TNXB: variants seen among roughly 807,000 people sequenced by gnomAD.
The protein encoded by TNXB is tenascin-X.
A neutral mutation model predicts 340.5 loss-of-function variants in TNXB; 183 were observed. The observed-to-expected ratio is 0.54, with a 90% CI of 0.48 to 0.61. The LOEUF (loss-of-function observed/expected upper bound fraction) is 0.61, where lower values mean the gene tolerates loss of function less well. Among genes scored for constraint, TNXB ranks in the 20% least tolerant of loss-of-function variants. The pLI, the probability that TNXB is intolerant of heterozygous loss-of-function variation, is 0.00. For synonymous variants in TNXB, 2,121 were observed against 2,314.5 expected (o/e 0.92, Z 2.40); for missense variants, 4,613 against 5,446.4 (o/e 0.85, Z 4.82).
At chr6:32,063,162 A>T (rs1315215094) in intron 19 of TNXB, among the ~76,000 whole-genome samples, 1 of 151,966 alleles carries the variant, frequency 6.6e-6, no homozygotes, top group Non-Finnish European at 1.5e-5. Flanking sequence ...CCGAGGCGGG[A>T]GGATCACCTG....
At position 32,081,196 on chromosome 6, in the gene TNXB, A is replaced by C. The variant is rs1442875904; in HGVS notation, c.4042+172T>G. Among the ~76,000 whole-genome samples, 6 of 152,070 alleles carry C rather than the reference A, an allele frequency of 3.9e-5. No homozygotes were observed. The highest frequency in any genetic ancestry group is 1.4e-4 in the African/African-American group (6 of 41,394). ...GAGATGAGGAGGTGGAGGCTGGATG[A>C]GGGGGACCTGGCATGCAGAGGACAG... On this transcript the variant is annotated intron_variant, in intron 10 of 43. Coordinates refer to ENST00000644971, the MANE Select transcript of TNXB (RefSeq NM_001365276.2). This position sits in a 1 kb window ranked among gnomAD's most constrained non-coding sequence, Gnocchi z 5.1.
Position 32,050,128 on chromosome 6 carries a change from C to T in TNXB, c.9309G>A (p.Ala3103=), listed in dbSNP as rs762962693. ...QYRNGDGQPK[A]VRVPGHEDGV... ...CGTCCTCGTGCCCCGGCACCCGCAC[C>T]GCCTTGGGCTGCCCATCCCCATTCC... Residue 3103 remains alanine (A), a synonymous_variant, in exon 27 of 44, where the codon GCG becomes GCA. Transcript: ENST00000644971. The T allele has an allele frequency of 2.2e-5, 35 of 1,613,692 alleles. No individual in the cohort carries two copies. Among genetic ancestry groups the T allele is most frequent in the Middle Eastern group, 1.6e-4 (1 of 6,064 alleles).
In TNXB at chr6:32,047,926, G is replaced by T; in HGVS notation, c.10132C>A (p.Pro3378Thr). Residue 3378 changes from proline (P) to threonine (T), a missense_variant, in exon 30 of 44, where the codon CCT (proline) becomes ACT (threonine). Transcript: ENST00000644971. The surrounding 1 kb of genome is among the most constrained non-coding windows in gnomAD (Gnocchi z 6.2). ...ACGAAGGAGTCGAATTCGCCCTCAG[G>T]GACCGTCCACGAGAGGCCCACGGAG... The part of the protein sequence containing the change: ...PDSVGLSWTV[P>T]EGEFDSFVVQ... The T allele has an allele frequency of 6.2e-7, 1 of 1,612,640 alleles. No homozygotes were observed. The highest frequency in any genetic ancestry group is 8.5e-7 in the Non-Finnish European group (1 of 1,179,672).
rs571399143 is a variant in TNXB at position 32,096,371 on chromosome 6, C to G, written c.1482G>C (p.Thr494=). The G allele has an allele frequency of 1.3e-6, 2 of 1,558,238 alleles. No homozygotes were observed. The highest frequency in any genetic ancestry group is 1.2e-5 in the South Asian group (1 of 85,712). ...WPGYTGRDCG[T]RACPGDCRGR... ...CGCGACAGTCGCCAGGACAGGCGCG[C>G]GTGCCGCAGTCCCGGCCTGTGTACC... Residue 494 remains threonine (T), a synonymous_variant, in exon 3 of 44, where the codon ACG becomes ACC. Transcript: ENST00000644971.
At position 32,094,953 on chromosome 6, in the gene TNXB, C is replaced by A. The variant is rs145726416; in HGVS notation, c.2358+123G>T. On this transcript the variant is annotated intron_variant, in intron 4 of 43. Coordinates refer to ENST00000644971, the MANE Select transcript of TNXB (RefSeq NM_001365276.2). ...AAGCAGGCTAAGAAAGCCTTTACAGCAGCTTCAGGTACCCAGCCATCTGGA... is the reference window on the plus strand; with the variant it reads ...AAGCAGGCTAAGAAAGCCTTTACAGAAGCTTCAGGTACCCAGCCATCTGGA... 0.011 allele frequency: 8,011 copies of A among 748,766 alleles called. 73 individuals are homozygous for A. Among genetic ancestry groups the A allele is most frequent in the Non-Finnish European group, 0.012 (5,146 of 446,336 alleles). 46.4% of individuals were successfully genotyped at this position (748,766 alleles called of 1,614,324 possible). A position where few individuals can be genotyped will look rare whatever the true frequency, so the allele number is the denominator to read the frequency against.
Position 32,072,119 on chromosome 6 carries a change from C to T in TNXB, c.4861G>A (p.Val1621Met), listed in dbSNP as rs372387718. Residue 1621 changes from valine to methionine, a missense_variant, in exon 13 of 44, where the codon GTG becomes ATG. Physicochemically the swap from Val to Met is conservative, Grantham distance 21. This residue lies in a region of TNXB where 4,327 missense variants were observed against 4,859.4 expected (regional missense o/e 0.89). Coordinates refer to ENST00000644971, the MANE Select transcript of TNXB (RefSeq NM_001365276.2). The surrounding 1 kb of genome is among the most constrained non-coding windows in gnomAD (Gnocchi z 4.4). ...YKDRDGQPQV[V>M]PVAADQREVT... ...TCCCGCTGATCTGCAGCCACGGGCA[C>T]CACCTGGGGCTGCCCGTCCCTGTCC... 1.4e-4 allele frequency: 221 copies of T among 1,613,060 alleles called. No individual in the cohort carries two copies. Among genetic ancestry groups the T allele is most frequent in the Non-Finnish European group, 1.8e-4 (216 of 1,179,556 alleles).
At chr6:32,078,769 T>C (rs1051940031) in intron 11 of TNXB, 4 of 486,122 alleles carry the variant, frequency 8.2e-6, no homozygotes, top group Non-Finnish European at 1.5e-5. Flanking sequence ...GCTTTACATC[T>C]GTTAACTCAC....
intron 22 of TNXB, among the ~76,000 whole-genome samples, 178 bp downstream of exon 22, chr6:32,057,880 C>T (rs1020831086): frequency 9.2e-5 from 14 of 152,170 alleles, no homozygotes; most frequent in Admixed American, 5.9e-4. Context: ...CATGCTCACC[C>T]GCCTTTGCTT....
rs1354596798 is a variant in TNXB at position 32,068,112 on chromosome 6, C to T, written c.6221-128G>A. On this transcript the variant is annotated intron_variant, in intron 17 of 43. Coordinates refer to ENST00000644971, the MANE Select transcript of TNXB (RefSeq NM_001365276.2). The surrounding 1 kb of genome is among the most constrained non-coding windows in gnomAD (Gnocchi z 5.3). ...GGCCTACTCTTGGGGCTGGGTGGTCCTGCTCAGCTGACAGCTAACACACAT... is the reference window on the plus strand; with the variant it reads ...GGCCTACTCTTGGGGCTGGGTGGTCTTGCTCAGCTGACAGCTAACACACAT... The T allele has an allele frequency of 7.4e-7, 1 of 1,343,152 alleles. No homozygotes were observed. The highest frequency in any genetic ancestry group is 1.5e-5 in the African/African-American group (1 of 68,240). 83.2% of individuals were successfully genotyped at this position (1,343,152 alleles called of 1,614,324 possible). A position where few individuals can be genotyped will look rare whatever the true frequency, so the allele number is the denominator to read the frequency against.
intron 11 of TNXB, 90 bp downstream of exon 11, chr6:32,078,943 T>A: frequency 7.2e-7 from 1 of 1,383,812 alleles, no homozygotes; most frequent in Non-Finnish European, 9.7e-7. Flanking sequence ...AGCCTCAAGG[T>A]TCCACTGGAG....
chr6:32,080,923 A>G lies in TNXB; in HGVS notation c.4042+445T>C, dbSNP rs924381000. 3.3e-5 allele frequency among the ~76,000 whole-genome samples: 5 copies of G among 152,156 alleles called. No individual in the cohort carries two copies. Among genetic ancestry groups the G allele is most frequent in the Non-Finnish European group, 7.3e-5 (5 of 68,036 alleles). On this transcript the variant is annotated intron_variant, in intron 10 of 43. Transcript: ENST00000644971. This position sits in a 1 kb window ranked among gnomAD's most constrained non-coding sequence, Gnocchi z 4.3. The stretch of plus-strand genomic sequence containing the variant: ...GAAACGTGGTGCTCTTGTCACTTGG[A>G]TCTGCCACCTCTGAACACAGCAGAA...
chr6:32,097,467 A>G lies in TNXB; in HGVS notation c.404-18T>C. 6.3e-7 allele frequency: 1 copy of G among 1,577,368 alleles called. No individual in the cohort carries two copies. Among genetic ancestry groups the G allele is most frequent in the Non-Finnish European group, 8.6e-7 (1 of 1,164,772 alleles). ...TGTCTGACCTGGAGTAGGAGGGGAGAGGCAAGTCTCAGTCTCTCTCCTGGG... is the reference window on the plus strand; with the variant it reads ...TGTCTGACCTGGAGTAGGAGGGGAGGGGCAAGTCTCAGTCTCTCTCCTGGG... On this transcript the variant is annotated intron_variant, in intron 2 of 43. Coordinates refer to ENST00000644971, the MANE Select transcript of TNXB (RefSeq NM_001365276.2). The surrounding 1 kb of genome is among the most constrained non-coding windows in gnomAD (Gnocchi z 5.9).
chr6:32,100,463 C>T (rs1003572182), intron 1 of TNXB, among the ~76,000 whole-genome samples: 1 of 152,086 alleles, frequency 6.6e-6, no homozygotes. Flanking sequence ...TGCAGTGGCT[C>T]GTATCTGTAA....
Position 32,088,834 on chromosome 6 carries a change from C to A in TNXB, c.2730G>T (p.Ala910=), listed in dbSNP as rs564894886. 2 of 1,582,076 alleles carry A rather than the reference C, an allele frequency of 1.3e-6. No homozygotes were observed. Among genetic ancestry groups the A allele is most frequent in the Middle Eastern group, 1.7e-4 (1 of 6,028 alleles). Residue 910 remains alanine (A), a synonymous_variant, in exon 6 of 44, where the codon GCG becomes GCT. Coordinates refer to ENST00000644971, the MANE Select transcript of TNXB (RefSeq NM_001365276.2). ...PGVEYVVTVT[A]ERGRAVSYPA... is the part of the protein sequence containing the mutation. Reference sequence around the variant, plus strand: ...GGTAGCTGACTGCCCGGCCCCGCTCCGCTGTGACAGTCACCACATATTCTA... The same window carrying A: ...GGTAGCTGACTGCCCGGCCCCGCTCAGCTGTGACAGTCACCACATATTCTA...
rs2473838 is a variant in TNXB at position 32,046,056 on chromosome 6, G to C, written c.10606+119C>G. On this transcript the variant is annotated intron_variant, in intron 31 of 43. Coordinates refer to ENST00000644971, the MANE Select transcript of TNXB (RefSeq NM_001365276.2). The surrounding 1 kb of genome is among the most constrained non-coding windows in gnomAD (Gnocchi z 6.9). ...CTGCAGACTCCTCCTCCTTCCTGGGGACAGGCCAGGGCGCCCCACTCCGGC... is the reference window on the plus strand; with the variant it reads ...CTGCAGACTCCTCCTCCTTCCTGGGCACAGGCCAGGGCGCCCCACTCCGGC... 236 of 1,454,018 alleles carry C rather than the reference G, an allele frequency of 1.6e-4. No homozygotes were observed. Among genetic ancestry groups the C allele is most frequent in the Admixed American group, 2.2e-4 (9 of 41,414 alleles). 90.1% of individuals were successfully genotyped at this position (1,454,018 alleles called of 1,614,324 possible).
Position 32,074,184 on chromosome 6 carries a change from T to C in TNXB, c.4376-232A>G, listed in dbSNP as rs373843232. Among the ~76,000 whole-genome samples the C allele has an allele frequency of 6.6e-6, 1 of 151,910 alleles. No homozygotes were observed. The highest frequency in any genetic ancestry group is 1.5e-5 in the Non-Finnish European group (1 of 67,982). ...GGCGTGCGCCACCATGCCTGCCTAATTTTGTGTGTGTGTGTATTTTTAGTG... is the reference window on the plus strand; with the variant it reads ...GGCGTGCGCCACCATGCCTGCCTAACTTTGTGTGTGTGTGTATTTTTAGTG... On this transcript the variant is annotated intron_variant, in intron 11 of 43. Coordinates refer to ENST00000644971, the MANE Select transcript of TNXB (RefSeq NM_001365276.2). The surrounding 1 kb of genome is among the most constrained non-coding windows in gnomAD (Gnocchi z 5.5).
chr6:32,089,213 C>G lies in TNXB; in HGVS notation c.2515+10G>C. 1 of 1,592,644 alleles carries G rather than the reference C, an allele frequency of 6.3e-7. No homozygotes were observed. The highest frequency in any genetic ancestry group is 8.6e-7 in the Non-Finnish European group (1 of 1,168,366). Reference sequence around the variant, plus strand: ...CTCAGGACACCCCTCCCCACAGCCCCAGCTCTCACTGGTGGTGATGGTCTT... The same window carrying G: ...CTCAGGACACCCCTCCCCACAGCCCGAGCTCTCACTGGTGGTGATGGTCTT... On this transcript the variant is annotated intron_variant, in intron 5 of 43. Transcript: ENST00000644971. The surrounding 1 kb of genome is among the most constrained non-coding windows in gnomAD (Gnocchi z 6.2).
Position 32,095,097 on chromosome 6 carries a change from A to T in TNXB, c.2337T>A (p.Tyr779Ter). The T allele has an allele frequency of 1.3e-6, 2 of 1,548,934 alleles. No individual in the cohort carries two copies. The highest frequency in any genetic ancestry group is 1.7e-6 in the Non-Finnish European group (2 of 1,146,044). The change falls in exon 4 of 44, where the codon TAT becomes TAA. Residue 779 changes from tyrosine (Y) to a stop codon, truncating the protein, a stop_gained. Transcript: ENST00000644971. LOFTEE classifies it high-confidence loss of function. ...WTPAPGPVDA[Y>*]EIQFIPTTEG... Reference sequence around the variant, plus strand: ...TCACCGTGGGGATGAACTGAATTTCATAGGCATCCACGGGGCCAGGAGCCG... The same window carrying T: ...TCACCGTGGGGATGAACTGAATTTCTTAGGCATCCACGGGGCCAGGAGCCG...
Position 32,087,795 on chromosome 6 carries a change from C to T in TNXB, c.2779+990G>A. On this transcript the variant is annotated intron_variant, in intron 6 of 43. Transcript: ENST00000644971. The surrounding 1 kb of genome is among the most constrained non-coding windows in gnomAD (Gnocchi z 9.0). ...GCACCGTGCCGCGGAAACGGCTCAG[C>T]TCGGCCGTCAGGTTGCCCCAAGGCC... 3.9e-6 allele frequency: 2 copies of T among 510,786 alleles called. No homozygotes were observed. Among genetic ancestry groups the T allele is most frequent in the Non-Finnish European group, 7.8e-6 (2 of 257,238 alleles). 31.6% of individuals were successfully genotyped at this position (510,786 alleles called of 1,614,324 possible). A position where few individuals can be genotyped will look rare whatever the true frequency, so the allele number is the denominator to read the frequency against.
Sources: allele counts gnomAD v4.1 joint callset (sites outside exome capture counted in the v4.1 genomes callset), GRCh38; gene constraint gnomAD v4.1.1; regional missense constraint gnomAD v4.1.1; non-coding constraint Gnocchi (gnomAD v3.1); transcripts MANE v1.5; gene names NCBI Gene and HGNC (gene_info 2026-07-23, HGNC 2026-07-21).